The following MAP3K13 variants were observed in gnomAD, a reference collection of about 807,000 sequenced individuals.
MAP3K13 encodes the protein mitogen-activated protein kinase kinase kinase 13, also known as leucine zipper-bearing kinase.
MAP3K13 carries 52 observed loss-of-function variants against 104.0 expected under a neutral mutation model. The observed-to-expected ratio is 0.50, with a 90% CI of 0.40 to 0.63. The LOEUF (loss-of-function observed/expected upper bound fraction) is 0.63, where lower values mean the gene tolerates loss of function less well. Among genes scored for constraint, MAP3K13 ranks in the 20% least tolerant of loss-of-function variants. MAP3K13 has a pLI of 0.00. For synonymous variants in MAP3K13, 394 were observed against 442.2 expected (o/e 0.89, Z 1.37); for missense variants, 914 against 1,218.5 (o/e 0.75, Z 3.72).
chr3:185,456,541 C>T (rs1262625480), intron 7 of MAP3K13, among the ~76,000 whole-genome samples: 3 of 151,090 alleles, frequency 2.0e-5, no homozygotes, highest in South Asian at 2.1e-4. Flanking sequence ...ATATAGTACT[C>T]GCTAGGAAAT....
upstream of MAP3K13, chr3:185,362,953 ACACG>A (rs760571649): frequency 0.14 from 10,980 of 75,742 alleles, 1,029 homozygotes; most frequent in Non-Finnish European, 0.22. Context: ...ACACACACAC[ACACG>A]CACACACACA....
chr3:185,362,896 CAAT>C (rs1033578314), upstream of MAP3K13, among the ~76,000 whole-genome samples: 15 of 149,040 alleles, frequency 1.0e-4, no homozygotes, highest in East Asian at 2.0e-4. Flanking sequence ...CATTCAATAA[CAAT>C]AATAATGTTT....
At chr3:185,358,113 T>C (rs1266581534) in intron 2 of MAP3K13, among the ~76,000 whole-genome samples, 1 of 152,202 alleles carries the variant, frequency 6.6e-6, no homozygotes, top group Non-Finnish European at 1.5e-5. Context: ...AGGTTAACCA[T>C]AGAGTAATCC....
intron 1 of MAP3K13, among the ~76,000 whole-genome samples, chr3:185,387,470 T>C (rs1711762992): frequency 6.6e-6 from 1 of 152,180 alleles, no homozygotes; most frequent in Admixed American, 6.5e-5. Context: ...CTTGAACTTT[T>C]TGAGGCATCA....
intron 2 of MAP3K13, among the ~76,000 whole-genome samples, chr3:185,323,430 G>A (rs1208456091): frequency 1.3e-5 from 2 of 148,248 alleles, no homozygotes; most frequent in Non-Finnish European, 3.0e-5. Flanking sequence ...TCCACCTCCC[G>A]GGTTCAAGCA....
At chr3:185,289,857 A>G (rs577924787) in intron 2 of MAP3K13, among the ~76,000 whole-genome samples, 1 of 152,322 alleles carries the variant, frequency 6.6e-6, no homozygotes, top group East Asian at 1.9e-4. Context: ...CAGTGTGTTT[A>G]ATAACAAAAG....
At chr3:185,401,356 G>C (rs1712803061) in intron 1 of MAP3K13, among the ~76,000 whole-genome samples, 2 of 152,112 alleles carry the variant, frequency 1.3e-5, no homozygotes, top group Admixed American at 6.5e-5. Context: ...AGGTGAGTGA[G>C]AGTTGCTTTT....
chr3:185,429,754 G>A (rs916917709), intron 2 of MAP3K13, among the ~76,000 whole-genome samples: 2 of 152,210 alleles, frequency 1.3e-5, no homozygotes, highest in African/African-American at 4.8e-5. Context: ...CCTGAAGATT[G>A]TAGGGCTTAG....
intron 7 of MAP3K13, among the ~76,000 whole-genome samples, chr3:185,454,447 T>TATGAGATATAG (rs1716164884): frequency 8.5e-6 from 1 of 117,482 alleles, no homozygotes; most frequent in African/African-American, 3.4e-5. Context: ...ATGAGATATA[T>TATGAGATATAG]ATATGAGATA....
At chr3:185,376,039 G>C (rs921895706) in intron 1 of MAP3K13, among the ~76,000 whole-genome samples, 1 of 152,180 alleles carries the variant, frequency 6.6e-6, no homozygotes, top group Non-Finnish European at 1.5e-5. Context: ...CTTTGCTGGT[G>C]AGTGGTGATT....
intron 1 of MAP3K13, among the ~76,000 whole-genome samples, chr3:185,283,948 T>C (rs1353712390): frequency 6.8e-6 from 1 of 147,564 alleles, no homozygotes; most frequent in South Asian, 2.2e-4. Flanking sequence ...GTCGCCAGGC[T>C]GAAGTACAGT....
At chr3:185,453,825 A>ATATATATATAT (rs1716039107) in intron 7 of MAP3K13, among the ~76,000 whole-genome samples, 1 of 20,358 alleles carries the variant, frequency 4.9e-5, no homozygotes, top group African/African-American at 1.1e-4. Flanking sequence ...CATATATATG[A>ATATATATATAT]GATATATATA....
rs747262160 is a variant in MAP3K13 at position 185,463,610 on chromosome 3, A to G, written c.1339A>G (p.Ile447Val). ...FEKIKSEGTC[I>V]HRLDEELIRR... ...GAAGATCAAAAGTGAAGGAACTTGT[A>G]TACACCGGTTAGATGAAGAACTGAT... Residue 447 changes from isoleucine (I) to valine (V), a missense_variant, in exon 8 of 14, where the codon ATA becomes GTA. Around this residue, in one of 3 missense-constraint regions of MAP3K13, gnomAD observed 583 missense variants for 737.4 expected, o/e 0.79. Transcript: ENST00000265026. 3 of 1,613,486 alleles carry G rather than the reference A, an allele frequency of 1.9e-6. No homozygotes were observed. Among genetic ancestry groups the G allele is most frequent in the Non-Finnish European group, 2.5e-6 (3 of 1,179,506 alleles).
intron 1 of MAP3K13, among the ~76,000 whole-genome samples, chr3:185,390,272 G>C (rs892869098): frequency 6.6e-6 from 1 of 152,128 alleles, no homozygotes; most frequent in Non-Finnish European, 1.5e-5. Context: ...TCTCACAGCA[G>C]CTCTGTGTGG....
chr3:185,329,217 T>C, intron 2 of MAP3K13: 1 of 703,166 alleles, frequency 1.4e-6, no homozygotes, highest in South Asian at 1.5e-5. Context: ...ATGTCTTATG[T>C]TGAGTGCAAG....
intron 1 of MAP3K13, among the ~76,000 whole-genome samples, chr3:185,427,789 A>G (rs184748229): frequency 6.6e-6 from 1 of 152,296 alleles, no homozygotes; most frequent in African/African-American, 2.4e-5. Context: ...TTTCTGATTA[A>G]AAAGATAGGC....
chr3:185,295,411 G>C (rs180679413), intron 2 of MAP3K13, among the ~76,000 whole-genome samples: 2 of 152,268 alleles, frequency 1.3e-5, no homozygotes, highest in East Asian at 3.9e-4. Context: ...CACCATGTGG[G>C]CCAGGCTGGT....
intron 2 of MAP3K13, among the ~76,000 whole-genome samples, chr3:185,434,719 A>G (rs1199929987): frequency 6.6e-6 from 1 of 152,176 alleles, no homozygotes; most frequent in Admixed American, 6.5e-5. Context: ...GCTTTCACAT[A>G]AAATCTGTGT....
At chr3:185,443,268 T>C (rs1024081691) in intron 3 of MAP3K13, among the ~76,000 whole-genome samples, 177 bp from the exon 4 acceptor site, 1 of 152,310 alleles carries the variant, frequency 6.6e-6, no homozygotes, top group African/African-American at 2.4e-5. Context: ...ATGTGCATCA[T>C]AGAGAAACCT....
Sources: allele counts gnomAD v4.1 joint callset (sites outside exome capture counted in the v4.1 genomes callset), GRCh38; gene constraint gnomAD v4.1.1; regional missense constraint gnomAD v4.1.1; transcripts MANE v1.5; gene names NCBI Gene and HGNC (gene_info 2026-07-23, HGNC 2026-07-21).